The following ILDR2 variants were observed in gnomAD, a reference collection of about 807,000 sequenced individuals.
ILDR2 encodes immunoglobulin like domain containing receptor 2.
Under a neutral mutation model 66.8 loss-of-function variants are expected in ILDR2, and 25 were observed. That is an observed-to-expected ratio of 0.37 (90% confidence interval 0.27 to 0.52). The LOEUF is 0.52. Among genes scored for constraint, ILDR2 ranks in the 20% least tolerant of loss-of-function variants. The pLI is 0.88. For synonymous variants in ILDR2, 367 were observed against 357.2 expected, an observed-to-expected ratio of 1.03 and a Z score of -0.31; for missense variants, 827 against 876.8, an observed-to-expected ratio of 0.94 and a Z score of 0.72.
chr1:166,950,748 C>CAT (rs1238566691), intron 3 of ILDR2, among the ~76,000 whole-genome samples: 1 of 151,810 alleles, frequency 6.6e-6, no homozygotes, highest in Non-Finnish European at 1.5e-5. Flanking sequence ...CACACACACA[C>CAT]ACACACACAC....
At chr1:166,971,390 G>T (rs1372620754) in intron 1 of ILDR2, among the ~76,000 whole-genome samples, 2 of 152,204 alleles carry the variant, frequency 1.3e-5, no homozygotes, top group Non-Finnish European at 2.9e-5. Context: ...CTTCCTCTAT[G>T]CTCTCACAGC....
downstream of ILDR2, among the ~76,000 whole-genome samples, chr1:166,906,494 C>A (rs1176801522): frequency 6.6e-6 from 1 of 152,160 alleles, no homozygotes; most frequent in Non-Finnish European, 1.5e-5. Flanking sequence ...TAGAACAACA[C>A]AGTGTAGTCA....
rs1432275680 is a variant in ILDR2 at position 166,916,049 on chromosome 1, T to C, written c.*3306A>G. The stretch of plus-strand genomic sequence containing the variant: ...TCCAACTTCCTAATGAATCCATGCA[T>C]GGCCTAGAGAAGCAGCTCATCTACC... On this transcript the variant is annotated 3_prime_UTR_variant, in exon 10 of 10. Transcript: ENST00000271417. 6.6e-6 allele frequency: 1 copy of C among 152,288 alleles called. No individual in the cohort carries two copies. The highest frequency in any genetic ancestry group is 2.4e-5 in the African/African-American group (1 of 41,424). 9.4% of individuals were successfully genotyped at this position (152,288 alleles called of 1,614,324 possible).
At chr1:166,899,211 G>A (rs1659221486) in intron 2 of ILDR2, among the ~76,000 whole-genome samples, 1 of 151,950 alleles carries the variant, frequency 6.6e-6, no homozygotes, top group Admixed American at 6.6e-5. Flanking sequence ...TGACCAATAT[G>A]GTGAAACTCC....
chr1:166,921,043 G>A lies in ILDR2; in HGVS notation c.1548C>T (p.Arg516=), dbSNP rs944590769. The A allele has an allele frequency of 4.0e-6, 6 of 1,506,852 alleles. No homozygotes were observed. Among genetic ancestry groups the A allele is most frequent in the Admixed American group, 4.4e-5 (2 of 45,478 alleles). 93.3% of individuals were successfully genotyped at this position (1,506,852 alleles called of 1,614,324 possible). Reference sequence around the variant, plus strand: ...CGTATTTGGGTGCGGTGCCTGGCGTGCGGCTCACCAGCCGCGGCAGGTGCG... The same window carrying A: ...CGTATTTGGGTGCGGTGCCTGGCGTACGGCTCACCAGCCGCGGCAGGTGCG... The part of the protein sequence containing the change: ...EDAHLPRLVS[R]TPGTAPKYDH... Residue 516 remains arginine, a synonymous_variant, in exon 9 of 10, where the codon CGC becomes CGT. Coordinates refer to ENST00000271417, the MANE Select transcript of ILDR2 (RefSeq NM_199351.3). The surrounding 1 kb of genome is among the most constrained non-coding windows in gnomAD (Gnocchi z 5.3).
chr1:166,957,934 T>C lies in ILDR2; in HGVS notation c.214A>G (p.Met72Val), dbSNP rs1157869481. 1.2e-6 allele frequency: 2 copies of C among 1,614,164 alleles called. No homozygotes were observed. Among genetic ancestry groups the C allele is most frequent in the Non-Finnish European group, 1.7e-6 (2 of 1,180,024 alleles). The change falls in exon 2 of 10, where the codon ATG becomes GTG. Residue 72 changes from methionine to valine, a missense_variant. Around this residue, in one of 2 missense-constraint regions of ILDR2, gnomAD observed 437 missense variants for 523.2 expected, o/e 0.84. Transcript: ENST00000271417. ...CQDRMGESLG[M>V]SSTRAQSLSK... ...AGAGATTGGGCCCGGGTAGAGGACA[T>C]GCCCAAGGATTCTCCCATGCGATCC...
At chr1:166,935,732 G>C (rs1660934560) in intron 5 of ILDR2, among the ~76,000 whole-genome samples, 1 of 152,176 alleles carries the variant, frequency 6.6e-6, no homozygotes, top group Non-Finnish European at 1.5e-5. Context: ...TAATTAAGTG[G>C]TTCTGGGAGC....
At chr1:166,928,610 C>A (rs1041614460) in intron 6 of ILDR2, among the ~76,000 whole-genome samples, 11 of 152,322 alleles carry the variant, frequency 7.2e-5, no homozygotes, top group South Asian at 4.1e-4. Context: ...AGAGAAAACC[C>A]TGCTGTATAG....
At chr1:166,949,183 G>A (rs10918598) in intron 3 of ILDR2, among the ~76,000 whole-genome samples, 2 of 152,202 alleles carry the variant, frequency 1.3e-5, no homozygotes, top group Admixed American at 1.3e-4. Flanking sequence ...ATGCTTAGCA[G>A]CCTCCCTAGT....
rs1250805151 is a variant in ILDR2 at position 166,909,571 on chromosome 1, T to C, written c.*9784A>G. 1 of 151,330 alleles carries C rather than the reference T, an allele frequency of 6.6e-6. No individual in the cohort carries two copies. The highest frequency in any genetic ancestry group is 1.9e-4 in the East Asian group (1 of 5,140). The allele number at this position is 151,330 out of a possible 1,614,324, so 9.4% of individuals were successfully genotyped here. ...AGGCTATCGCCTTGGCCTGAGGGAA[T>C]GAGAAAAGCTAGGTGCCTAAGTCAT... On this transcript the variant is annotated 3_prime_UTR_variant, in exon 10 of 10. Coordinates refer to ENST00000271417, the MANE Select transcript of ILDR2 (RefSeq NM_199351.3).
chr1:166,955,543 C>G (rs1004313690), intron 3 of ILDR2, among the ~76,000 whole-genome samples: 1 of 152,098 alleles, frequency 6.6e-6, no homozygotes, highest in African/African-American at 2.4e-5. Flanking sequence ...GCAGAGGTTG[C>G]AATGAGCTGA....
chr1:166,920,808 T>C lies in ILDR2; in HGVS notation c.1783A>G (p.Ser595Gly), dbSNP rs1659876512. The C allele has an allele frequency of 1.3e-6, 2 of 1,532,006 alleles. No homozygotes were observed. Among genetic ancestry groups the C allele is most frequent in the Non-Finnish European group, 1.8e-6 (2 of 1,142,144 alleles). The allele number at this position is 1,532,006 out of a possible 1,614,324, so 94.9% of individuals were successfully genotyped here. A position where few individuals can be genotyped will look rare whatever the true frequency, so the allele number is the denominator to read the frequency against. ...GGGCCGCGGGTCAGCTCCAGCTCGC[T>C]GTAGGGCGGCAGCGCGTCGTCGGAC... ...DASDDALPPY[S>G]ELELTRGPSY... The change falls in exon 9 of 10, where the codon AGC becomes GGC. Residue 595 changes from serine (S) to glycine (G), a missense_variant. Physicochemically the swap from Ser to Gly is moderately conservative, Grantham distance 56 (BLOSUM62 0). Transcript: ENST00000271417.
At chr1:166,975,144 G>C (rs752366495) in intron 1 of ILDR2, 79 bp downstream of exon 1, 14 of 1,242,986 alleles carry the variant, frequency 1.1e-5, no homozygotes, top group East Asian at 2.4e-5. Context: ...AGGAAAATGG[G>C]GGGGCGGGGG....
At chr1:166,971,936 G>A (rs895784750) in intron 1 of ILDR2, among the ~76,000 whole-genome samples, 1 of 152,172 alleles carries the variant, frequency 6.6e-6, no homozygotes. Flanking sequence ...AAAGGGCCGG[G>A]CATGGTGGCT....
intron 9 of ILDR2, 85 bp downstream of exon 9, chr1:166,920,622 C>CG: frequency 1.5e-6 from 2 of 1,305,884 alleles, no homozygotes; most frequent in Non-Finnish European, 2.0e-6. Flanking sequence ...GCCACCTCCC[C>CG]GGCCCCCAGA....
At chr1:166,951,430 G>T (rs1262726734) in intron 3 of ILDR2, among the ~76,000 whole-genome samples, 1 of 152,094 alleles carries the variant, frequency 6.6e-6, no homozygotes, top group African/African-American at 2.4e-5. Flanking sequence ...GAATACCCCC[G>T]GATTTATCTG....
intron 6 of ILDR2, chr1:166,933,456 A>T: frequency 1.9e-6 from 1 of 537,764 alleles, no homozygotes; most frequent in Non-Finnish European, 2.4e-6. Flanking sequence ...CAGGGCTGCC[A>T]CCTGAACTGT....
At chr1:166,963,198 T>A (rs1258155606) in intron 1 of ILDR2, among the ~76,000 whole-genome samples, 1 of 152,226 alleles carries the variant, frequency 6.6e-6, no homozygotes, top group African/African-American at 2.4e-5. Flanking sequence ...TTGATCTTTC[T>A]CTATTCCCAC....
At chr1:166,919,428 T>G (rs1241272092) in intron 9 of ILDR2, 38 bp from the exon 10 acceptor site, 1 of 1,582,344 alleles carries the variant, frequency 6.3e-7, no homozygotes, top group African/African-American at 1.3e-5. Context: ...TTAAGCCACA[T>G]GCTAGTTAAA....
Sources: allele counts gnomAD v4.1 joint callset (sites outside exome capture counted in the v4.1 genomes callset), GRCh38; gene constraint gnomAD v4.1.1; regional missense constraint gnomAD v4.1.1; non-coding constraint Gnocchi (gnomAD v3.1); transcripts MANE v1.5; gene names NCBI Gene and HGNC (gene_info 2026-07-23, HGNC 2026-07-21).